Variants in UNC13B observed in about 807,000 individuals in gnomAD.
The protein encoded by UNC13B is unc-13 homolog B, also known as protein unc-13 homolog B.
A neutral mutation model predicts 211.0 loss-of-function variants in UNC13B; 144 were observed. The observed-to-expected ratio is 0.68, with a 90% CI of 0.60 to 0.78. UNC13B has a LOEUF of 0.78. Among genes scored for constraint, UNC13B ranks in the 30% least tolerant of loss-of-function variants. The pLI, the probability that UNC13B is intolerant of heterozygous loss-of-function variation, is 0.00. For synonymous variants in UNC13B, 709 were observed against 725.8 expected, an observed-to-expected ratio of 0.98 and a Z score of 0.37; for missense variants, 1,777 against 2,002.0, an observed-to-expected ratio of 0.89 and a Z score of 2.14.
chr9:35,254,059 G>A (rs1207280945), intron 6 of UNC13B, among the ~76,000 whole-genome samples: 1 of 152,106 alleles, frequency 6.6e-6, no homozygotes, highest in Non-Finnish European at 1.5e-5. Flanking sequence ...CACCAAATCA[G>A]TTATTACGCA....
At chr9:35,349,807 A>G (rs1832601997) in intron 11 of UNC13B, among the ~76,000 whole-genome samples, 1 of 152,230 alleles carries the variant, frequency 6.6e-6, no homozygotes, top group African/African-American at 2.4e-5. Context: ...CTGGGGAAGC[A>G]CAATGCTTTT....
chr9:35,260,038 C>CAAAA (rs61273217), intron 7 of UNC13B, among the ~76,000 whole-genome samples: 6,988 of 64,780 alleles, frequency 0.11, 2,116 homozygotes, highest in East Asian at 0.17. Flanking sequence ...CTCATTTCTA[C>CAAAA]AAAAAAAAAA....
In UNC13B at chr9:35,308,236, G is replaced by A. The variant is rs1387193153; in HGVS notation, c.8832G>A (p.Leu2944=). 2.5e-6 allele frequency: 1 copy of A among 399,132 alleles called. No individual in the cohort carries two copies. Among genetic ancestry groups the A allele is most frequent in the African/African-American group, 2.1e-5 (1 of 48,604 alleles). The allele number at this position is 399,132 out of a possible 1,614,324, so 24.7% of individuals were successfully genotyped here. ...SGEHWDTKAN[L]SSPACPSGKH... The stretch of plus-strand genomic sequence containing the variant: ...AACACTGGGATACCAAAGCCAACCT[G>A]TCTAGCCCCGCCTGTCCTTCAGGGA... Residue 2944 remains leucine (L), a synonymous_variant, in exon 9 of 40, where the codon CTG becomes CTA. Transcript: ENST00000635942.
intron 1 of UNC13B, among the ~76,000 whole-genome samples, chr9:35,204,448 T>A (rs577270819): frequency 2.6e-5 from 4 of 152,266 alleles, no homozygotes; most frequent in Admixed American, 6.5e-5. Context: ...TTGCACACTG[T>A]GCCTGGAAAA....
In UNC13B at chr9:35,303,315, A is replaced by T. The variant is rs554869322; in HGVS notation, c.3911A>T (p.Glu1304Val). The T allele has an allele frequency of 1.8e-4, 73 of 398,622 alleles. No homozygotes were observed. The highest frequency in any genetic ancestry group is 1.4e-3 in the African/African-American group (70 of 48,740). 24.7% of individuals were successfully genotyped at this position (398,622 alleles called of 1,614,324 possible). A position where few individuals can be genotyped will look rare whatever the true frequency, so the allele number is the denominator to read the frequency against. The change falls in exon 9 of 40, where the codon GAG becomes GTG. Residue 1304 changes from glutamate (E) to valine (V), a missense_variant. By Grantham distance (121) the Glu-to-Val change is moderately radical. Transcript: ENST00000635942. ...CCAAGTGCTCAGCTAGGTTTTTTGG[A>T]GAAATCTATGGCTAAGAGGCAAATG... ...CAPSAQLGFL[E>V]KSMAKRQMPN...
At position 35,329,490 on chromosome 9, in the gene UNC13B, G is replaced by A. The variant is rs1831244891; in HGVS notation, c.9414+15501G>A. On this transcript the variant is annotated intron_variant, in intron 11 of 39. Coordinates refer to ENST00000635942, the MANE Select transcript of UNC13B (RefSeq NM_001371189.2). ...GGATTTCTAATATCCAGCATTGTGA[G>A]ATTTTTTTTTTTTTTGAGATAGGGT... Among the ~76,000 whole-genome samples, 4 of 145,638 alleles carry A rather than the reference G, an allele frequency of 2.7e-5. No individual in the cohort carries two copies. In the South Asian group the frequency reaches 8.9e-4, roughly 32 times the overall value.
chr9:35,333,987 C>T (rs191391565), intron 11 of UNC13B, among the ~76,000 whole-genome samples: 76 of 150,026 alleles, frequency 5.1e-4, no homozygotes, highest in Admixed American at 3.3e-3. Context: ...TTTTTTGAGA[C>T]GGAGTCTTGC....
intron 7 of UNC13B, among the ~76,000 whole-genome samples, chr9:35,290,234 C>G (rs990419480): frequency 6.6e-6 from 1 of 152,066 alleles, no homozygotes; most frequent in Non-Finnish European, 1.5e-5. Context: ...GAAGAAGTGG[C>G]TCTCTTTAAG....
chr9:35,351,383 C>A, intron 11 of UNC13B: 4 of 1,228,480 alleles, frequency 3.3e-6, no homozygotes. Flanking sequence ...GTGGGCTAAG[C>A]CCAAAGCATC....
intron 1 of UNC13B, among the ~76,000 whole-genome samples, chr9:35,180,971 G>A (rs1821906050): frequency 6.6e-6 from 1 of 151,180 alleles, no homozygotes; most frequent in African/African-American, 2.4e-5. Context: ...GCAGGTACCT[G>A]TAGTCCCAGG....
intron 26 of UNC13B, among the ~76,000 whole-genome samples, chr9:35,395,711 T>C (rs1261656636): frequency 6.6e-6 from 1 of 152,150 alleles, no homozygotes; most frequent in Non-Finnish European, 1.5e-5. Context: ...TCTGAGCAAA[T>C]TGTGAGTTAT....
rs561216101 is a variant in UNC13B at position 35,172,180 on chromosome 9, GT to G, written c.22+9887del. ...GTGAGCTACCATGCCTGGCCCCTTTGTTTTTTTTTTTTAAATTGATATGTCA... is the reference window on the plus strand; with the variant it reads ...GTGAGCTACCATGCCTGGCCCCTTTGTTTTTTTTTTTAAATTGATATGTCA... On this transcript the variant is annotated intron_variant, in intron 1 of 39. Transcript: ENST00000635942. Among the ~76,000 whole-genome samples, 149 of 141,338 alleles carry G rather than the reference GT, an allele frequency of 1.1e-3. 1 individual carries two copies. The highest frequency in any genetic ancestry group is 3.7e-3 in the Middle Eastern group (1 of 272). 92.7% of individuals were successfully genotyped at this position (141,338 alleles called of 152,430 possible). A position where few individuals can be genotyped will look rare whatever the true frequency, so the allele number is the denominator to read the frequency against.
At chr9:35,256,035 C>T (rs1826862439) in intron 6 of UNC13B, among the ~76,000 whole-genome samples, 2 of 152,120 alleles carry the variant, frequency 1.3e-5, no homozygotes, top group African/African-American at 4.8e-5. Context: ...ATTTCTTTCA[C>T]TGTCATACTT....
chr9:35,272,853 C>T (rs959325174), intron 7 of UNC13B, among the ~76,000 whole-genome samples: 3 of 152,162 alleles, frequency 2.0e-5, no homozygotes, highest in African/African-American at 7.2e-5. Context: ...TCCCTAAAGC[C>T]TCCCTTAACT....
chr9:35,200,002 C>T (rs367734477), intron 1 of UNC13B, among the ~76,000 whole-genome samples: 10 of 152,128 alleles, frequency 6.6e-5, no homozygotes, highest in South Asian at 4.1e-4. Context: ...TCATCCATCT[C>T]GAATTAATTT....
At chr9:35,360,623 G>T (rs759427676) in intron 11 of UNC13B, 2 of 152,166 alleles carry the variant, frequency 1.3e-5, no homozygotes, top group African/African-American at 4.8e-5. Flanking sequence ...TGCCTAGTGT[G>T]CACATTAGGT....
At chr9:35,264,754 A>G (rs1240299108) in intron 7 of UNC13B, among the ~76,000 whole-genome samples, 1 of 152,224 alleles carries the variant, frequency 6.6e-6, no homozygotes, top group Non-Finnish European at 1.5e-5. Context: ...TGAAAAGCCA[A>G]GGAGGCAGAT....
chr9:35,162,869 T>G (rs746114992), intron 1 of UNC13B, among the ~76,000 whole-genome samples: 2 of 152,172 alleles, frequency 1.3e-5, no homozygotes, highest in Non-Finnish European at 2.9e-5. Flanking sequence ...ATAAGAGGTA[T>G]GATTTATTTT....
At chr9:35,240,857 C>T (rs1335960304) in intron 5 of UNC13B, among the ~76,000 whole-genome samples, 2 of 151,776 alleles carry the variant, frequency 1.3e-5, no homozygotes, top group African/African-American at 4.8e-5. Context: ...AGTTCAAGAC[C>T]AGCCTGACCA....
Sources: gnomAD v4.1 joint callset for allele counts (sites outside exome capture counted in the v4.1 genomes callset) on GRCh38, gnomAD v4.1.1 for gene constraint, MANE v1.5 for transcripts, NCBI Gene and HGNC (gene_info 2026-07-23, HGNC 2026-07-21) for gene names.